BNC2: variants seen among roughly 807,000 people sequenced by gnomAD.
BNC2 encodes the protein zinc finger protein basonuclin-2.
BNC2 carries 20 observed loss-of-function variants against 76.3 expected under a neutral mutation model. The observed-to-expected ratio is 0.26, with a 90% confidence interval of 0.18 to 0.38. BNC2 has a LOEUF of 0.38. Ranked by LOEUF, BNC2 falls within the 10% of genes least tolerant of loss-of-function variation. BNC2 has a pLI of 1.00. For synonymous variants in BNC2, 582 were observed against 514.8 expected (o/e 1.13, Z -1.77); for missense variants, 1,382 against 1,399.8 (o/e 0.99, Z 0.20).
chr9:16,844,025 C>T (rs914515572), intron 1 of BNC2, among the ~76,000 whole-genome samples: 7 of 152,086 alleles, frequency 4.6e-5, no homozygotes, highest in South Asian at 4.2e-4. Flanking sequence ...CTCACACCTA[C>T]GAAGCACGAG....
intron 3 of BNC2, among the ~76,000 whole-genome samples, chr9:16,649,304 A>C (rs1821727939): frequency 6.6e-6 from 1 of 152,170 alleles, no homozygotes; most frequent in African/African-American, 2.4e-5. Context: ...CCAATTCTTT[A>C]AGAACCATTA....
At chr9:16,862,822 G>A (rs1365665435) in intron 1 of BNC2, among the ~76,000 whole-genome samples, 1 of 151,800 alleles carries the variant, frequency 6.6e-6, no homozygotes, top group African/African-American at 2.4e-5. Context: ...GTTAGAAAAA[G>A]GAATGTTAAG....
At chr9:16,669,677 T>C (rs1315865830) in intron 3 of BNC2, among the ~76,000 whole-genome samples, 1 of 152,336 alleles carries the variant, frequency 6.6e-6, no homozygotes, top group Admixed American at 6.5e-5. Flanking sequence ...AAGGTGTTCC[T>C]TCCATCTACC....
intron 5 of BNC2, among the ~76,000 whole-genome samples, chr9:16,549,260 G>C (rs1472255649): frequency 6.6e-6 from 1 of 152,152 alleles, no homozygotes. Context: ...ATCCTGGCTT[G>C]ACTAGTTCAA....
chr9:16,412,707 G>A lies in BNC2; in HGVS notation c.*6282C>T, dbSNP rs1358758877. ...GTTAGGAGGGGAGAATAAGAGGGAA[G>A]GAGAGAGAGAGGGGAGAGAGAGAGA... On this transcript the variant is annotated 3_prime_UTR_variant, in exon 7 of 7. Coordinates refer to ENST00000380672, the MANE Select transcript of BNC2 (RefSeq NM_017637.6). 1 of 140,186 alleles carries A rather than the reference G, an allele frequency of 7.1e-6. No individual in the cohort carries two copies. The highest frequency in any genetic ancestry group is 1.6e-5 in the Non-Finnish European group (1 of 63,624). 8.7% of individuals were successfully genotyped at this position (140,186 alleles called of 1,614,324 possible).
chr9:16,610,890 G>C (rs1820526230), intron 3 of BNC2, among the ~76,000 whole-genome samples: 2 of 152,144 alleles, frequency 1.3e-5, no homozygotes, highest in South Asian at 4.1e-4. Context: ...GGAGAAAGTA[G>C]CTGTCACTTA....
chr9:16,539,788 G>A lies in BNC2; in HGVS notation c.669+12742C>T, dbSNP rs566205173. ...GGAAAAGAAAGGAAAGGAAAGGAAA[G>A]GAAAGGAAAGGAAAGGAAAGGAAAG... On this transcript the variant is annotated intron_variant, in intron 5 of 6. Transcript: ENST00000380672. Among the ~76,000 whole-genome samples the A allele has an allele frequency of 1.4e-3, 193 of 134,006 alleles. 2 individuals carry two copies. The highest frequency in any genetic ancestry group is 4.5e-3 in the African/African-American group (158 of 34,866). The allele number at this position is 134,006 out of a possible 152,430, so 87.9% of individuals were successfully genotyped here. A position where few individuals can be genotyped will look rare whatever the true frequency, so the allele number is the denominator to read the frequency against.
chr9:16,714,869 AATAG>A (rs1385301573), intron 3 of BNC2, among the ~76,000 whole-genome samples: 9 of 152,214 alleles, frequency 5.9e-5, no homozygotes, highest in African/African-American at 2.2e-4. Context: ...TTCAATTATG[AATAG>A]ATAATTTCTT....
At chr9:16,809,356 T>C (rs1817990779) in intron 1 of BNC2, among the ~76,000 whole-genome samples, 2 of 152,048 alleles carry the variant, frequency 1.3e-5, no homozygotes, top group African/African-American at 4.8e-5. Context: ...GCTCAATTTT[T>C]TTTTATGGAA....
chr9:16,755,892 G>C (rs1305893328), intron 1 of BNC2, among the ~76,000 whole-genome samples: 1 of 152,170 alleles, frequency 6.6e-6, no homozygotes, highest in Non-Finnish European at 1.5e-5. Context: ...GAGACATTGT[G>C]AATCTGAGTC....
chr9:16,463,354 T>G (rs1028752119), intron 5 of BNC2, among the ~76,000 whole-genome samples: 1 of 128,712 alleles, frequency 7.8e-6, no homozygotes, highest in Middle Eastern at 3.8e-3. Flanking sequence ...TGGAGTGCAG[T>G]GGCGGGATCT....
chr9:16,557,758 C>T (rs891870148), intron 4 of BNC2, among the ~76,000 whole-genome samples: 1 of 151,908 alleles, frequency 6.6e-6, no homozygotes, highest in Non-Finnish European at 1.5e-5. Flanking sequence ...GACTTGTGTC[C>T]ACTCCCCTTC....
Position 16,518,202 on chromosome 9 carries a change from G to A in BNC2, c.669+34328C>T, listed in dbSNP as rs541302039. Reference sequence around the variant, plus strand: ...CTAGTACTTTGGGAGGCCAAGGCGGGAGGATCACTTAGCCCAGGAGTTCAA... The same window carrying A: ...CTAGTACTTTGGGAGGCCAAGGCGGAAGGATCACTTAGCCCAGGAGTTCAA... On this transcript the variant is annotated intron_variant, in intron 5 of 6. Coordinates refer to ENST00000380672, the MANE Select transcript of BNC2 (RefSeq NM_017637.6). Among the ~76,000 whole-genome samples, 10 of 152,290 alleles carry A rather than the reference G, an allele frequency of 6.6e-5. No individual in the cohort carries two copies. In the South Asian group the frequency reaches 2.1e-3, roughly 32 times the overall value.
chr9:16,824,126 A>G (rs982777389), intron 1 of BNC2, among the ~76,000 whole-genome samples: 4 of 152,178 alleles, frequency 2.6e-5, no homozygotes, highest in Non-Finnish European at 4.4e-5. Context: ...GTCCTTTGAT[A>G]ATCAGTCATA....
chr9:16,437,322 C>T lies in BNC2; in HGVS notation c.872G>A (p.Arg291His), dbSNP rs1821039522. Residue 291 changes from arginine to histidine, a missense_variant, in exon 6 of 7, where the codon CGC becomes CAC. Physicochemically the swap from Arg to His is conservative, Grantham distance 29. This residue lies in a region of BNC2 where 557 missense variants were observed against 540.9 expected (regional missense o/e 1.03). Coordinates refer to ENST00000380672, the MANE Select transcript of BNC2 (RefSeq NM_017637.6). ...DIRTFIESNNRTRSPSLLAHL... is the reference protein window; with the variant it reads ...DIRTFIESNNHTRSPSLLAHL... ...AGCAAGGAGGCTGGGACTCCTGGTG[C>T]GATTATTGCTCTCAATGAAAGTCCT... The T allele has an allele frequency of 1.2e-6, 2 of 1,614,074 alleles. No individual in the cohort carries two copies. The highest frequency in any genetic ancestry group is 2.2e-5 in the East Asian group (1 of 44,880).
chr9:16,668,931 TG>T (rs1822386859), intron 3 of BNC2, among the ~76,000 whole-genome samples: 1 of 152,174 alleles, frequency 6.6e-6, no homozygotes, highest in Admixed American at 6.5e-5. Flanking sequence ...GAGATGACAA[TG>T]GATCAATCTG....
intron 5 of BNC2, among the ~76,000 whole-genome samples, chr9:16,533,881 TAGAG>T (rs1158096043): frequency 2.0e-5 from 3 of 152,120 alleles, no homozygotes; most frequent in Non-Finnish European, 4.4e-5. Flanking sequence ...TGAATTTTAT[TAGAG>T]AGAAACATAA....
intron 1 of BNC2, among the ~76,000 whole-genome samples, chr9:16,796,227 T>G (rs577683594): frequency 2.6e-5 from 4 of 152,340 alleles, no homozygotes; most frequent in African/African-American, 9.6e-5. Context: ...AAGTACTTTA[T>G]ATAGTTTTAC....
rs1247910266 is a variant in BNC2 at position 16,412,517 on chromosome 9, C to A, written c.*6472G>T. Reference sequence around the variant, plus strand: ...TACTCTCAAGATGGAATTGTTAACACTTAAGTTTTCAAAGAAGCAAAGGAT... The same window carrying A: ...TACTCTCAAGATGGAATTGTTAACAATTAAGTTTTCAAAGAAGCAAAGGAT... On this transcript the variant is annotated 3_prime_UTR_variant, in exon 7 of 7. Transcript: ENST00000380672. 1.3e-5 allele frequency: 2 copies of A among 152,562 alleles called. No homozygotes were observed. Among genetic ancestry groups the A allele is most frequent in the African/African-American group, 4.8e-5 (2 of 41,424 alleles). 9.5% of individuals were successfully genotyped at this position (152,562 alleles called of 1,614,324 possible).
Sources: allele counts gnomAD v4.1 joint callset (sites outside exome capture counted in the v4.1 genomes callset), GRCh38; gene constraint gnomAD v4.1.1; regional missense constraint gnomAD v4.1.1; transcripts MANE v1.5; gene names NCBI Gene and HGNC (gene_info 2026-07-23, HGNC 2026-07-21).